Variants in RBP2 observed in about 807,000 individuals in gnomAD.
RBP2 encodes the protein retinol binding protein 2.
RBP2 carries 17 observed loss-of-function variants against 17.0 expected under a neutral mutation model. The observed-to-expected ratio is 1.00, with a 90% CI of 0.68 to 1.50. RBP2 has a LOEUF of 1.50. Ranked by LOEUF, RBP2 falls within the 40% of genes most tolerant of loss-of-function variation. The pLI is 0.00. For missense variants in RBP2, 158 were observed against 168.2 expected (o/e 0.94, Z 0.33); for synonymous variants, 48 against 57.1 (o/e 0.84, Z 0.72).
In RBP2 at chr3:139,469,028, G is replaced by A. The variant is rs532629858; in HGVS notation, c.74-6738C>T. Among the ~76,000 whole-genome samples, 5 of 152,276 alleles carry A rather than the reference G, an allele frequency of 3.3e-5. No homozygotes were observed. The South Asian group carries it at 1.0e-3, about 32-fold the overall frequency. Reference sequence around the variant, plus strand: ...ATGCTACTCAACATTAAAATGCTTTGTAATGTGCTTATGAAAAAAGCTAAA... The same window carrying A: ...ATGCTACTCAACATTAAAATGCTTTATAATGTGCTTATGAAAAAAGCTAAA... On this transcript the variant is annotated intron_variant, in intron 1 of 3. Transcript: ENST00000232217.
intron 1 of RBP2, among the ~76,000 whole-genome samples, chr3:139,473,314 G>A (rs1933624096): frequency 6.6e-6 from 1 of 152,208 alleles, no homozygotes; most frequent in Admixed American, 6.5e-5. Flanking sequence ...TGGTGGCTGA[G>A]TCATGATGGG....
intron 1 of RBP2, among the ~76,000 whole-genome samples, chr3:139,467,585 C>G (rs889734145): frequency 6.6e-6 from 1 of 152,164 alleles, no homozygotes; most frequent in African/African-American, 2.4e-5. Flanking sequence ...AAAGAATGCT[C>G]ACTTCAGAGG....
At chr3:139,461,282 GCTT>G (rs1933178735) in intron 2 of RBP2, among the ~76,000 whole-genome samples, 1 of 152,188 alleles carries the variant, frequency 6.6e-6, no homozygotes, top group East Asian at 1.9e-4. Flanking sequence ...GCAAGAGCCT[GCTT>G]CTTCTGCAAA....
At chr3:139,454,949 C>G in intron 2 of RBP2, 119 bp from the exon 3 acceptor site, 1 of 964,180 alleles carries the variant, frequency 1.0e-6, no homozygotes, top group East Asian at 2.4e-5. Context: ...AAGGGCAGAG[C>G]CCTCAGCCTC....
At chr3:139,471,638 C>A (rs1367982483) in intron 1 of RBP2, among the ~76,000 whole-genome samples, 1 of 152,106 alleles carries the variant, frequency 6.6e-6, no homozygotes, top group East Asian at 1.9e-4. Context: ...AATTTAACAT[C>A]TAATTTTTGG....
Position 139,454,725 on chromosome 3 carries a change from T to C in RBP2, c.354+4A>G. ...AAGTGAGCTGAGCAGAACCCAGTAC[T>C]TACCAGGTACAGCTTGTCCCCCTCA... On this transcript the variant is annotated splice_donor_region_variant and intron_variant, in intron 3 of 3. Transcript: ENST00000232217. 12 of 1,613,514 alleles carry C rather than the reference T, an allele frequency of 7.4e-6. No homozygotes were observed. Among genetic ancestry groups the C allele is most frequent in the Non-Finnish European group, 1.0e-5 (12 of 1,179,456 alleles).
chr3:139,455,563 A>G (rs1943380884), intron 2 of RBP2, among the ~76,000 whole-genome samples: 1 of 152,204 alleles, frequency 6.6e-6, no homozygotes, highest in South Asian at 2.1e-4. Context: ...ATTTTATATT[A>G]CCTTTCAAAA....
intron 1 of RBP2, among the ~76,000 whole-genome samples, chr3:139,471,855 G>T (rs906008759): frequency 3.9e-5 from 6 of 152,118 alleles, no homozygotes; most frequent in Admixed American, 2.0e-4. Context: ...ACAGTCTGCT[G>T]GTCTATTCAC....
chr3:139,454,651 G>T, intron 3 of RBP2, 78 bp downstream of exon 3: 1 of 1,425,444 alleles, frequency 7.0e-7, no homozygotes, highest in Non-Finnish European at 9.9e-7. Flanking sequence ...CATTTTTCTT[G>T]TCAAAACACC....
intron 1 of RBP2, among the ~76,000 whole-genome samples, chr3:139,476,004 A>T (rs577026969): frequency 1.3e-5 from 2 of 152,304 alleles, no homozygotes; most frequent in Non-Finnish European, 2.9e-5. Context: ...TGCAGAGGTC[A>T]TTGGTGGATA....
At chr3:139,462,833 T>C (rs565647948) in intron 1 of RBP2, among the ~76,000 whole-genome samples, 4 of 152,220 alleles carry the variant, frequency 2.6e-5, no homozygotes, top group African/African-American at 9.6e-5. Flanking sequence ...TATAGATTTG[T>C]TTTTTGTTTT....
At position 139,453,259 on chromosome 3, in the gene RBP2, G is replaced by A. The variant is rs1943342761; in HGVS notation, c.355-93C>T. The A allele has an allele frequency of 7.9e-6, 11 of 1,393,776 alleles. No individual in the cohort carries two copies. In the Admixed American group the frequency reaches 2.0e-4, roughly 25 times the overall value. 86.3% of individuals were successfully genotyped at this position (1,393,776 alleles called of 1,614,324 possible). On this transcript the variant is annotated intron_variant, in intron 3 of 3. Transcript: ENST00000232217. ...CTTGGTATCTGGGGGTGGGAGGTTG[G>A]AATAAAGAGGACACTTAGGTATTCT...
intron 1 of RBP2, among the ~76,000 whole-genome samples, chr3:139,470,702 C>T (rs1226829350): frequency 6.6e-6 from 1 of 151,986 alleles, no homozygotes; most frequent in African/African-American, 2.4e-5. Flanking sequence ...CCTCAGCCTC[C>T]TGAGTAGCTG....
At chr3:139,476,249 G>T in intron 1 of RBP2, 138 bp downstream of exon 1, 1 of 643,038 alleles carries the variant, frequency 1.6e-6, no homozygotes, top group Non-Finnish European at 2.8e-6. Flanking sequence ...CTTATGATCT[G>T]CCTAATATTG....
At chr3:139,453,877 A>G (rs980959232) in intron 3 of RBP2, among the ~76,000 whole-genome samples, 1 of 152,222 alleles carries the variant, frequency 6.6e-6, no homozygotes, top group Non-Finnish European at 1.5e-5. Context: ...AGGTAGGGAA[A>G]GCCATCAATG....
intron 1 of RBP2, among the ~76,000 whole-genome samples, chr3:139,471,351 G>A (rs1425992046): frequency 6.6e-6 from 1 of 152,214 alleles, no homozygotes; most frequent in African/African-American, 2.4e-5. Context: ...TTTTGCACAA[G>A]ACACATATTC....
Position 139,453,007 on chromosome 3 carries a change from T to TG in RBP2, c.*108dup. 3.9e-6 allele frequency: 5 copies of TG among 1,271,312 alleles called. No homozygotes were observed. The highest frequency in any genetic ancestry group is 5.7e-6 in the Non-Finnish European group (5 of 871,732). 78.8% of individuals were successfully genotyped at this position (1,271,312 alleles called of 1,614,324 possible). A position where few individuals can be genotyped will look rare whatever the true frequency, so the allele number is the denominator to read the frequency against. On this transcript the variant is annotated 3_prime_UTR_variant, in exon 4 of 4. Coordinates refer to ENST00000232217, the MANE Select transcript of RBP2 (RefSeq NM_004164.3). ...TTTAAAACCCACCCAGATGCCTTAA[T>TG]GGGGCTCTGTCAAGAGTGGGAAGGT...
At chr3:139,458,422 C>T (rs1933054662) in intron 2 of RBP2, among the ~76,000 whole-genome samples, 1 of 152,214 alleles carries the variant, frequency 6.6e-6, no homozygotes, top group African/African-American at 2.4e-5. Context: ...CTGCTTTTCC[C>T]TGCCCTTACT....
chr3:139,454,973 G>A, intron 2 of RBP2, 143 bp from the exon 3 acceptor site: 1 of 715,712 alleles, frequency 1.4e-6, no homozygotes, highest in Non-Finnish European at 2.4e-6. Flanking sequence ...GAGCCAAGAT[G>A]CTTCCAATGT....
Sources: gnomAD v4.1 joint callset for allele counts (sites outside exome capture counted in the v4.1 genomes callset) on GRCh38, gnomAD v4.1.1 for gene constraint, MANE v1.5 for transcripts, NCBI Gene and HGNC (gene_info 2026-07-23, HGNC 2026-07-21) for gene names.